The following LPCAT1 variants were observed in gnomAD, a reference collection of about 807,000 sequenced individuals.
LPCAT1 encodes lysophosphatidylcholine acyltransferase 1.
In LPCAT1, 23 loss-of-function variants were observed where a neutral mutation model predicts 60.9. The observed-to-expected ratio is 0.38, with a 90% CI of 0.27 to 0.53. LPCAT1 has a LOEUF of 0.53. Ranked by LOEUF, LPCAT1 falls within the 20% of genes least tolerant of loss-of-function variation. The pLI, the probability that LPCAT1 is intolerant of heterozygous loss-of-function variation, is 0.82. For synonymous variants in LPCAT1, 340 were observed against 301.1 expected, an observed-to-expected ratio of 1.13 and a Z score of -1.34; for missense variants, 622 against 723.6, an observed-to-expected ratio of 0.86 and a Z score of 1.61.
At chr5:1,464,598 CGCACACACACAAAACAA>C (rs1734250552) in intron 13 of LPCAT1, among the ~76,000 whole-genome samples, 1 of 151,868 alleles carries the variant, frequency 6.6e-6, no homozygotes, top group African/African-American at 2.4e-5. Context: ...CACACATGTG[CGCACACACACAAAACAA>C]GCACACACAC....
chr5:1,466,176 G>C (rs1734392471), intron 13 of LPCAT1, among the ~76,000 whole-genome samples: 1 of 152,236 alleles, frequency 6.6e-6, no homozygotes, highest in South Asian at 2.1e-4. Context: ...GCTCGGGTTT[G>C]CGGATTTTGC....
chr5:1,466,573 T>G (rs896302217), intron 13 of LPCAT1, among the ~76,000 whole-genome samples, 176 bp downstream of exon 13: 1 of 152,212 alleles, frequency 6.6e-6, no homozygotes, highest in Non-Finnish European at 1.5e-5. Flanking sequence ...CTACGAACGC[T>G]GCCAGGTCTC....
intron 3 of LPCAT1, among the ~76,000 whole-genome samples, chr5:1,490,183 G>T (rs538618163): frequency 6.6e-6 from 1 of 152,344 alleles, no homozygotes; most frequent in South Asian, 2.1e-4. Context: ...TTTAGACCCA[G>T]TCTTCACAGA....
In LPCAT1 at chr5:1,523,678, G is replaced by C; in HGVS notation, c.135+32C>G. The C allele has an allele frequency of 2.8e-6, 3 of 1,073,996 alleles. No homozygotes were observed. Among genetic ancestry groups the C allele is most frequent in the Non-Finnish European group, 3.4e-6 (3 of 887,450 alleles). 66.5% of individuals were successfully genotyped at this position (1,073,996 alleles called of 1,614,324 possible). On this transcript the variant is annotated intron_variant, in intron 1 of 13. Transcript: ENST00000283415. The surrounding 1 kb of genome is among the most constrained non-coding windows in gnomAD (Gnocchi z 7.1). ...CCCCAGCATCCCTGGCGTCCGCGCCGGCTCCCGGGGCCGCGCGCCCTGGGC... is the reference window on the plus strand; with the variant it reads ...CCCCAGCATCCCTGGCGTCCGCGCCCGCTCCCGGGGCCGCGCGCCCTGGGC...
chr5:1,520,208 T>C (rs1051677579), intron 1 of LPCAT1, among the ~76,000 whole-genome samples: 24 of 152,260 alleles, frequency 1.6e-4, no homozygotes, highest in African/African-American at 4.6e-4. Flanking sequence ...TGTTCTGCAG[T>C]GGCCATGCTG....
intron 1 of LPCAT1, among the ~76,000 whole-genome samples, chr5:1,514,790 C>T (rs903545690): frequency 1.3e-5 from 2 of 152,104 alleles, no homozygotes; most frequent in East Asian, 1.9e-4. Flanking sequence ...CTGCGTGCTC[C>T]GCCAGGACCC....
At chr5:1,472,009 G>GAAGCA (rs1560953331) in intron 11 of LPCAT1, among the ~76,000 whole-genome samples, 2 of 151,432 alleles carry the variant, frequency 1.3e-5, no homozygotes, top group African/African-American at 4.9e-5. Flanking sequence ...GGAGCACTCA[G>GAAGCA]GAGCAGAGGG....
chr5:1,472,824 C>T (rs376246833), intron 11 of LPCAT1, among the ~76,000 whole-genome samples: 53 of 152,240 alleles, frequency 3.5e-4, no homozygotes, highest in Admixed American at 4.6e-4. Context: ...AGGCAGGACT[C>T]GCATCCGAGA....
intron 1 of LPCAT1, among the ~76,000 whole-genome samples, chr5:1,507,600 C>T (rs1017182817): frequency 6.6e-6 from 1 of 152,188 alleles, no homozygotes; most frequent in Non-Finnish European, 1.5e-5. Flanking sequence ...CGGCGCAGCC[C>T]ACATCAGGGA....
intron 9 of LPCAT1, among the ~76,000 whole-genome samples, chr5:1,475,322 G>A (rs1172069256): frequency 2.0e-5 from 3 of 152,180 alleles, no homozygotes; most frequent in Non-Finnish European, 4.4e-5. Context: ...CCAACTGAGC[G>A]GCTGCCTGTG....
chr5:1,483,817 CACTTTCT>C lies in LPCAT1; in HGVS notation c.668-338_668-332del. ...GAGCTGGAAGACATCCGTGGAGGGA[CACTTTCT>C]GCTGTAACATCGCGCACCAGCTGGA... On this transcript the variant is annotated intron_variant, in intron 5 of 13. Transcript: ENST00000283415. This position sits in a 1 kb window ranked among gnomAD's most constrained non-coding sequence, Gnocchi z 9.2. 1.3e-5 allele frequency among the ~76,000 whole-genome samples: 2 copies of C among 148,364 alleles called. No individual in the cohort carries two copies. The highest frequency in any genetic ancestry group is 1.5e-5 in the Non-Finnish European group (1 of 67,628).
chr5:1,464,451 G>T (rs1421750941), intron 13 of LPCAT1, among the ~76,000 whole-genome samples: 1 of 152,188 alleles, frequency 6.6e-6, no homozygotes, highest in Admixed American at 6.5e-5. Context: ...AGGGATGGTT[G>T]TTACTGGAAA....
chr5:1,514,522 G>A (rs75634271), intron 1 of LPCAT1, among the ~76,000 whole-genome samples: 29,031 of 152,190 alleles, frequency 0.19, 3,021 homozygotes, highest in Middle Eastern at 0.36. Flanking sequence ...TCCACACGGG[G>A]CCCACAGGTG....
At chr5:1,474,982 G>A (rs1238661627) in intron 9 of LPCAT1, among the ~76,000 whole-genome samples, 20 of 152,218 alleles carry the variant, frequency 1.3e-4, no homozygotes, top group Non-Finnish European at 1.5e-5. Context: ...GTGGAGACAC[G>A]AAGTGAGCTC....
intron 12 of LPCAT1, among the ~76,000 whole-genome samples, chr5:1,467,733 GCT>G (rs1734485706): frequency 6.6e-6 from 1 of 151,208 alleles, no homozygotes; most frequent in South Asian, 2.1e-4. Context: ...TGGCCCACGG[GCT>G]CTGTGGCAGC....
intron 3 of LPCAT1, among the ~76,000 whole-genome samples, chr5:1,490,740 C>T (rs536047989): frequency 2.6e-5 from 4 of 152,322 alleles, no homozygotes; most frequent in South Asian, 2.1e-4. Context: ...AACGTGGCCA[C>T]GGCACCTGTC....
At chr5:1,504,116 C>T (rs36978) in intron 1 of LPCAT1, among the ~76,000 whole-genome samples, 38,915 of 152,172 alleles carry the variant, frequency 0.26, 5,915 homozygotes, top group Non-Finnish European at 0.35. Context: ...AGGGAAAAGC[C>T]CACTTTGTTA....
intron 2 of LPCAT1, among the ~76,000 whole-genome samples, chr5:1,497,277 G>A (rs370957409): frequency 6.6e-6 from 1 of 152,376 alleles, no homozygotes; most frequent in East Asian, 1.9e-4. Context: ...GAACATGCAG[G>A]GGGAAAAGGA....
In LPCAT1 at chr5:1,481,115, G is replaced by C; in HGVS notation, c.727-139C>G. 1.9e-6 allele frequency: 2 copies of C among 1,056,056 alleles called. No homozygotes were observed. The highest frequency in any genetic ancestry group is 1.8e-5 in the Admixed American group (1 of 54,110). 65.4% of individuals were successfully genotyped at this position (1,056,056 alleles called of 1,614,324 possible). On this transcript the variant is annotated intron_variant, in intron 6 of 13. Transcript: ENST00000283415. This position sits in a 1 kb window ranked among gnomAD's most constrained non-coding sequence, Gnocchi z 7.8. ...CCAGGGGGAAGGGAGGAGGGTGCTA[G>C]AGCTCCAGCTTCCCAGAGTCCCTGA... is the stretch of plus-strand genomic sequence containing the variant.
Sources: allele counts gnomAD v4.1 joint callset (sites outside exome capture counted in the v4.1 genomes callset), GRCh38; gene constraint gnomAD v4.1.1; non-coding constraint Gnocchi (gnomAD v3.1); transcripts MANE v1.5; gene names NCBI Gene and HGNC (gene_info 2026-07-23, HGNC 2026-07-21).